BBS9: variants seen among roughly 807,000 people sequenced by gnomAD.
BBS9 encodes Bardet-Biedl syndrome 9.
In BBS9, 89 loss-of-function variants were observed where a neutral mutation model predicts 117.7. The observed-to-expected ratio is 0.76, with a 90% CI of 0.64 to 0.90. BBS9 has a LOEUF of 0.90. BBS9 is among the 40% of genes least tolerant of loss of function. The pLI, the probability that BBS9 is intolerant of heterozygous loss-of-function variation, is 0.00. For missense variants in BBS9, 982 were observed against 1,042.2 expected (o/e 0.94, Z 0.80); for synonymous variants, 379 against 370.9 (o/e 1.02, Z -0.25).
chr7:33,136,630 A>C (rs932135321), intron 1 of BBS9, among the ~76,000 whole-genome samples: 5 of 152,158 alleles, frequency 3.3e-5, no homozygotes, highest in Admixed American at 1.3e-4. Flanking sequence ...ACATTAACTC[A>C]TTTCTGGATG....
rs1844371472 is a variant in BBS9 at position 33,493,932 on chromosome 7, A to G, written c.2116-11531A>G. ...CTAATATCTATAATGCTGACTATCA[A>G]ACTTCTGATCATCAAACTTCATTAA... On this transcript the variant is annotated intron_variant, in intron 19 of 22. Transcript: ENST00000242067. Among the ~76,000 whole-genome samples, 3 of 152,212 alleles carry G rather than the reference A, an allele frequency of 2.0e-5. No homozygotes were observed. The South Asian group carries it at 6.2e-4, about 32-fold the overall frequency.
intron 3 of BBS9, among the ~76,000 whole-genome samples, chr7:33,154,078 T>C (rs1170672059): frequency 6.6e-6 from 1 of 152,190 alleles, no homozygotes; most frequent in Non-Finnish European, 1.5e-5. Flanking sequence ...GTAGATAGTA[T>C]ACTAGGCCTT....
intron 19 of BBS9, among the ~76,000 whole-genome samples, chr7:33,483,345 C>G (rs1265423106): frequency 6.6e-6 from 1 of 152,142 alleles, no homozygotes; most frequent in African/African-American, 2.4e-5. Flanking sequence ...CCGGAACTTT[C>G]TATGCTGTAA....
At chr7:33,581,705 AT>A (rs892438804) in intron 21 of BBS9, among the ~76,000 whole-genome samples, 1 of 152,160 alleles carries the variant, frequency 6.6e-6, no homozygotes, top group African/African-American at 2.4e-5. Context: ...AGCCACTAAC[AT>A]TTATATGATA....
chr7:33,382,459 CA>C (rs113930733), intron 17 of BBS9, among the ~76,000 whole-genome samples: 54,132 of 122,468 alleles, frequency 0.44, 9,972 homozygotes, highest in African/African-American at 0.55. Context: ...GACCCTGTCT[CA>C]AAAAAAAAAA....
intron 5 of BBS9, among the ~76,000 whole-genome samples, chr7:33,191,847 T>G (rs1038591086): frequency 1.3e-5 from 2 of 152,178 alleles, no homozygotes; most frequent in African/African-American, 4.8e-5. Context: ...ATTTTTACTT[T>G]ATCTTTTCCT....
intron 19 of BBS9, among the ~76,000 whole-genome samples, chr7:33,483,674 C>G (rs1352323042): frequency 6.6e-6 from 1 of 152,004 alleles, no homozygotes. Flanking sequence ...ACTCTATTGC[C>G]TGCTTCAGTG....
At chr7:33,371,838 T>C (rs1307243554) in intron 17 of BBS9, among the ~76,000 whole-genome samples, 4 of 152,194 alleles carry the variant, frequency 2.6e-5, no homozygotes, top group African/African-American at 9.6e-5. Flanking sequence ...CCAGCCATCC[T>C]TTTTAGGTGA....
rs116370193 is a variant in BBS9, at chr7:33,455,723, G to A, written c.2116-49740G>A. 5.2e-3 allele frequency among the ~76,000 whole-genome samples: 795 copies of A among 152,230 alleles called. 8 individuals are homozygous for A. Among genetic ancestry groups the A allele is most frequent in the African/African-American group, 0.018 (758 of 41,530 alleles). On this transcript the variant is annotated intron_variant, in intron 19 of 22. Coordinates refer to ENST00000242067, the MANE Select transcript of BBS9 (RefSeq NM_198428.3). ...GGTACTGATTTTCTTTAAAAAGGCCGTGTCTGAATTGGGTCCCCAGCTAAC... is the reference window on the plus strand; with the variant it reads ...GGTACTGATTTTCTTTAAAAAGGCCATGTCTGAATTGGGTCCCCAGCTAAC...
At chr7:33,222,872 G>A (rs576769200) in intron 5 of BBS9, among the ~76,000 whole-genome samples, 1 of 151,698 alleles carries the variant, frequency 6.6e-6, no homozygotes, top group Non-Finnish European at 1.5e-5. Context: ...AGAATCACTT[G>A]AGTCTGTGAG....
At chr7:33,277,770 AC>A (rs1368203446) in intron 9 of BBS9, among the ~76,000 whole-genome samples, 1 of 152,142 alleles carries the variant, frequency 6.6e-6, no homozygotes, top group Non-Finnish European at 1.5e-5. Flanking sequence ...TCCAGGTGGA[AC>A]CATCATGGGT....
intron 9 of BBS9, among the ~76,000 whole-genome samples, chr7:33,301,611 T>A (rs1289880817): frequency 6.6e-6 from 1 of 152,192 alleles, no homozygotes; most frequent in Non-Finnish European, 1.5e-5. Flanking sequence ...CATTTCTTTT[T>A]TATGGCTGAA....
At position 33,179,937 on chromosome 7, in the gene BBS9, A is replaced by C. The variant is rs1373000365; in HGVS notation, c.442+2346A>C. ...TGTTCAGTTCTTTGTCCTTCATTTT[A>C]AAGCTTAACTTCCTTGTAGTTTCAG... On this transcript the variant is annotated intron_variant, in intron 5 of 22. Coordinates refer to ENST00000242067, the MANE Select transcript of BBS9 (RefSeq NM_198428.3). Among the ~76,000 whole-genome samples the C allele has an allele frequency of 2.0e-5, 3 of 152,178 alleles. No individual in the cohort carries two copies. In the East Asian group the frequency reaches 5.8e-4, roughly 29 times the overall value.
intron 21 of BBS9, among the ~76,000 whole-genome samples, chr7:33,544,746 C>A (rs1853006843): frequency 6.6e-6 from 1 of 152,128 alleles, no homozygotes; most frequent in African/African-American, 2.4e-5. Flanking sequence ...GGGTGGGGCC[C>A]TAGAACTCCC....
At chr7:33,435,996 C>G (rs1835254389) in intron 19 of BBS9, among the ~76,000 whole-genome samples, 2 of 152,130 alleles carry the variant, frequency 1.3e-5, no homozygotes, top group African/African-American at 4.8e-5. Context: ...TTCCCATGAC[C>G]TTTAGCAGCC....
At chr7:33,299,587 A>G (rs1805961136) in intron 9 of BBS9, among the ~76,000 whole-genome samples, 1 of 148,674 alleles carries the variant, frequency 6.7e-6, no homozygotes. Flanking sequence ...AGTAATATTC[A>G]CAATTTAGTA....
chr7:33,247,023 A>T lies in BBS9; in HGVS notation c.443-10213A>T, dbSNP rs368538800. Among the ~76,000 whole-genome samples the T allele has an allele frequency of 1.1e-4, 16 of 152,134 alleles. No homozygotes were observed. The South Asian group carries it at 1.5e-3, about 14-fold the overall frequency. ...CCGAGAGACTTCTCATATTTTTTAA[A>T]GTCTTAAAACCCCCCCATTTTTGGC... On this transcript the variant is annotated intron_variant, in intron 5 of 22. Coordinates refer to ENST00000242067, the MANE Select transcript of BBS9 (RefSeq NM_198428.3).
intron 20 of BBS9, among the ~76,000 whole-genome samples, chr7:33,526,821 C>G (rs568883459): frequency 1.2e-4 from 18 of 150,270 alleles, no homozygotes; most frequent in East Asian, 5.8e-4. Flanking sequence ...GAGGAGAGGC[C>G]CTCTGCTTTT....
chr7:33,573,173 G>A (rs943246148), intron 21 of BBS9, among the ~76,000 whole-genome samples: 1 of 151,416 alleles, frequency 6.6e-6, no homozygotes, highest in Non-Finnish European at 1.5e-5. Context: ...GACATTTTTG[G>A]CCTATTTTGT....
Sources: gnomAD v4.1 joint callset for allele counts (sites outside exome capture counted in the v4.1 genomes callset) on GRCh38, gnomAD v4.1.1 for gene constraint, MANE v1.5 for transcripts, NCBI Gene and HGNC (gene_info 2026-07-23, HGNC 2026-07-21) for gene names.